AHCY: variants seen among roughly 807,000 people sequenced by gnomAD.
The protein encoded by AHCY is adenosylhomocysteinase.
AHCY carries 24 observed loss-of-function variants against 45.4 expected under a neutral mutation model. That is an observed-to-expected ratio of 0.53 (90% CI 0.38 to 0.74). The LOEUF (loss-of-function observed/expected upper bound fraction) is 0.74, where lower values mean the gene tolerates loss of function less well. Ranked by LOEUF, AHCY falls within the 30% of genes least tolerant of loss-of-function variation. AHCY has a pLI of 0.00. For missense variants in AHCY, 449 were observed against 594.1 expected (o/e 0.76, Z 2.54); for synonymous variants, 245 against 235.1 (o/e 1.04, Z -0.39).
chr20:34,254,608 T>G, the AHCY span, among the ~76,000 whole-genome samples: 1 of 152,236 alleles, frequency 6.6e-6, no homozygotes, highest in African/African-American at 2.4e-5. Flanking sequence ...GTATTCATCC[T>G]GCCTATTATG....
rs150127135 is a variant in AHCY, at chr20:34,300,481, ACTTCAGGCAAG to A, written c.28+2751_28+2761del. Among the ~76,000 whole-genome samples, 147 of 152,238 alleles carry A rather than the reference ACTTCAGGCAAG, an allele frequency of 9.7e-4. 1 individual carries two copies. In the East Asian group the frequency reaches 0.023, roughly 24 times the overall value. Reference sequence around the variant, plus strand: ...GTTCAACACACAGGCTTCCTGACTGACTTCAGGCAAGCTCCACTCATTTCCACCTCAGGGCT... The same window carrying A: ...GTTCAACACACAGGCTTCCTGACTGACTCCACTCATTTCCACCTCAGGGCT... On this transcript the variant is annotated intron_variant, in intron 1 of 9. Transcript: ENST00000217426.
At chr20:34,263,439 C>T in the AHCY span, among the ~76,000 whole-genome samples, 1 of 151,964 alleles carries the variant, frequency 6.6e-6, no homozygotes. Flanking sequence ...GTGGTGGGCG[C>T]CTGTAATCCC....
At chr20:34,258,777 T>TAA in the AHCY span, among the ~76,000 whole-genome samples, 1 of 102,026 alleles carries the variant, frequency 9.8e-6, no homozygotes, top group African/African-American at 3.6e-5. Flanking sequence ...ATAATATATA[T>TAA]AGTATATATA....
Position 34,290,239 on chromosome 20 carries a change from G to T in AHCY, c.972+93C>A. The T allele has an allele frequency of 8.1e-7, 1 of 1,229,758 alleles. No homozygotes were observed. 76.2% of individuals were successfully genotyped at this position (1,229,758 alleles called of 1,614,324 possible). A position where few individuals can be genotyped will look rare whatever the true frequency, so the allele number is the denominator to read the frequency against. On this transcript the variant is annotated intron_variant, in intron 8 of 9. Transcript: ENST00000217426. This position sits in a 1 kb window ranked among gnomAD's most constrained non-coding sequence, Gnocchi z 4.5. ...CTCTTCTCCCCATCCCCCTGCACAG[G>T]TTGCCACCATCTCCTCAGCTCTCCT...
At chr20:34,269,012 G>A in the AHCY span, 1 of 1,608,024 alleles carries the variant, frequency 6.2e-7, no homozygotes, top group Non-Finnish European at 8.5e-7. Flanking sequence ...GATGAAGAAA[G>A]TGGTGCGGCC....
At chr20:34,275,495 G>GCTT (rs2035903369), downstream of AHCY, among the ~76,000 whole-genome samples, 1 of 152,018 alleles carries the variant, frequency 6.6e-6, no homozygotes, top group African/African-American at 2.4e-5. Flanking sequence ...CTCCACTACA[G>GCTT]CGAGACTCAG....
chr20:34,247,927 C>T, the AHCY span, among the ~76,000 whole-genome samples: 11 of 152,138 alleles, frequency 7.2e-5, no homozygotes, highest in Non-Finnish European at 1.3e-4. Context: ...CCCTGAAGGC[C>T]GGGCGCAGTG....
upstream of AHCY, among the ~76,000 whole-genome samples, chr20:34,307,263 T>C (rs1383472005): frequency 6.6e-6 from 1 of 152,076 alleles, no homozygotes; most frequent in East Asian, 1.9e-4. Context: ...CTAATATTTA[T>C]ATTTTTAGTA....
chr20:34,287,814 G>A (rs190544563), intron 8 of AHCY, among the ~76,000 whole-genome samples: 2 of 152,288 alleles, frequency 1.3e-5, no homozygotes, highest in East Asian at 3.9e-4. Flanking sequence ...GGTATTCAGG[G>A]AGTGGTCAAT....
At chr20:34,259,403 C>T in the AHCY span, among the ~76,000 whole-genome samples, 1 of 151,974 alleles carries the variant, frequency 6.6e-6, no homozygotes, top group Non-Finnish European at 1.5e-5. Context: ...ATCCCAGCTA[C>T]TCTGGAGGCT....
At chr20:34,267,374 T>A in the AHCY span, among the ~76,000 whole-genome samples, 5 of 133,642 alleles carry the variant, frequency 3.7e-5, no homozygotes, top group Admixed American at 4.4e-4. Flanking sequence ...CAGCGTCCAA[T>A]AGAAATACAA....
downstream of AHCY, among the ~76,000 whole-genome samples, chr20:34,275,796 C>A (rs1432813830): frequency 1.3e-5 from 2 of 151,932 alleles, no homozygotes; most frequent in African/African-American, 4.8e-5. Context: ...CCTGTCTCAG[C>A]CTCCTGAGTA....
intron 1 of AHCY, among the ~76,000 whole-genome samples, chr20:34,298,377 A>C (rs534844805): frequency 4.6e-5 from 7 of 152,026 alleles, no homozygotes; most frequent in Non-Finnish European, 1.0e-4. Context: ...CCTAGGAAAA[A>C]CCAGGCCATA....
intron 1 of AHCY, chr20:34,302,282 T>C (rs2036803378): frequency 6.5e-6 from 1 of 153,540 alleles, no homozygotes; most frequent in Admixed American, 6.5e-5. Context: ...ACTACAGGGG[T>C]GAGCCACCAC....
the AHCY span, among the ~76,000 whole-genome samples, chr20:34,269,866 C>A: frequency 2.1e-5 from 3 of 141,486 alleles, no homozygotes; most frequent in African/African-American, 8.1e-5. Flanking sequence ...ATCGCTTGAA[C>A]CCGGGAGGCG....
Position 34,294,154 on chromosome 20 carries a change from C to T in AHCY, c.222G>A (p.Val74=). Residue 74 remains valine, a splice_region_variant and synonymous_variant, in exon 3 of 10, where the codon GTG becomes GTA. Coordinates refer to ENST00000217426, the MANE Select transcript of AHCY (RefSeq NM_000687.4). ...IETLVTLGAE[V]QWSSCNIFST... ...AGAAGATGTTGCAGCTGGACCACTG[C>T]ACCTAGAAGAGCCATCAAAACAAGG... 6.2e-7 allele frequency: 1 copy of T among 1,612,994 alleles called. No individual in the cohort carries two copies. Among genetic ancestry groups the T allele is most frequent in the Non-Finnish European group, 8.5e-7 (1 of 1,179,984 alleles).
chr20:34,255,864 G>A, the AHCY span, among the ~76,000 whole-genome samples: 14 of 152,280 alleles, frequency 9.2e-5, no homozygotes, highest in East Asian at 2.1e-3. Flanking sequence ...GGAAGGCACC[G>A]GTTACTTAGC....
chr20:34,274,646 T>C, the AHCY span, among the ~76,000 whole-genome samples: 1 of 152,078 alleles, frequency 6.6e-6, no homozygotes, highest in South Asian at 2.1e-4. Flanking sequence ...GATAGGGCAC[T>C]GATAAAGAAT....
Position 34,290,528 on chromosome 20 carries a change from G to C in AHCY, c.854+23C>G, listed in dbSNP as rs199740394. 15 of 1,613,940 alleles carry C rather than the reference G, an allele frequency of 9.3e-6. No individual in the cohort carries two copies. In the South Asian group the frequency reaches 1.4e-4, roughly 15 times the overall value. ...ACTCTGCCCTCCTCCCTCACTCCCCGGGACCCCCCATCTGGCACCTACCGG... is the reference window on the plus strand; with the variant it reads ...ACTCTGCCCTCCTCCCTCACTCCCCCGGACCCCCCATCTGGCACCTACCGG... On this transcript the variant is annotated intron_variant, in intron 7 of 9. Coordinates refer to ENST00000217426, the MANE Select transcript of AHCY (RefSeq NM_000687.4). The surrounding 1 kb of genome is among the most constrained non-coding windows in gnomAD (Gnocchi z 4.5).
Sources: gnomAD v4.1 joint callset for allele counts (sites outside exome capture counted in the v4.1 genomes callset) on GRCh38, gnomAD v4.1.1 for gene constraint, Gnocchi (gnomAD v3.1) non-coding constraint, MANE v1.5 for transcripts, NCBI Gene and HGNC (gene_info 2026-07-23, HGNC 2026-07-21) for gene names.